DIAPH3: variants seen among roughly 807,000 people sequenced by gnomAD.
The protein encoded by DIAPH3 is diaphanous related formin 3, also known as protein diaphanous homolog 3.
DIAPH3 carries 117 observed loss-of-function variants against 144.3 expected under a neutral mutation model. That is an observed-to-expected ratio of 0.81 (90% CI 0.70 to 0.95). The LOEUF is 0.95. DIAPH3 is among the 40% of genes least tolerant of loss of function. The pLI is 0.00. For synonymous variants in DIAPH3, 519 were observed against 488.9 expected (o/e 1.06, Z -0.81); for missense variants, 1,421 against 1,412.7 (o/e 1.01, Z -0.09).
chr13:59,743,791 TACATTTAAATGC>T (rs1464535609), intron 27 of DIAPH3, among the ~76,000 whole-genome samples: 10 of 152,288 alleles, frequency 6.6e-5, no homozygotes, highest in Non-Finnish European at 1.5e-4. Flanking sequence ...TCCATTTACA[TACATTTAAATGC>T]AGCTGGAAAA....
At chr13:59,945,048 G>A (rs2048734714) in intron 17 of DIAPH3, among the ~76,000 whole-genome samples, 1 of 151,974 alleles carries the variant, frequency 6.6e-6, no homozygotes, top group Non-Finnish European at 1.5e-5. Flanking sequence ...TCCTACTGCT[G>A]GATTGGCCCT....
chr13:59,922,555 A>G (rs564491897), intron 18 of DIAPH3, among the ~76,000 whole-genome samples: 8 of 152,172 alleles, frequency 5.3e-5, no homozygotes, highest in African/African-American at 1.7e-4. Flanking sequence ...ATCTCATTCC[A>G]AAACAGTTCT....
intron 27 of DIAPH3, among the ~76,000 whole-genome samples, chr13:59,722,132 A>T (rs2035375518): frequency 6.6e-6 from 1 of 152,322 alleles, no homozygotes; most frequent in Non-Finnish European, 1.5e-5. Flanking sequence ...AGGAATTCAA[A>T]GCCACAAAAA....
intron 2 of DIAPH3, among the ~76,000 whole-genome samples, chr13:60,131,423 G>A (rs189821992): frequency 2.7e-4 from 33 of 122,434 alleles, no homozygotes; most frequent in African/African-American, 6.7e-4. Context: ...ACAACAGAGC[G>A]AGACCCTGTC....
At chr13:59,989,179 C>T (rs754271375) in intron 12 of DIAPH3, among the ~76,000 whole-genome samples, 3 of 151,504 alleles carry the variant, frequency 2.0e-5, no homozygotes, top group Non-Finnish European at 2.9e-5. Flanking sequence ...AATAGAGGTC[C>T]TTCTGAGGTA....
chr13:59,695,351 A>C (rs577991426), intron 27 of DIAPH3: 6 of 152,350 alleles, frequency 3.9e-5, no homozygotes, highest in Admixed American at 1.3e-4. Flanking sequence ...TAGAATGAGG[A>C]ATGCCAGGAG....
chr13:59,981,735 T>C (rs2051035692), intron 13 of DIAPH3, among the ~76,000 whole-genome samples: 1 of 151,450 alleles, frequency 6.6e-6, no homozygotes, highest in African/African-American at 2.4e-5. Flanking sequence ...AAAGTTACTG[T>C]ATCCAAATCT....
Position 59,810,834 on chromosome 13 carries a change from T to G in DIAPH3, c.3117A>C (p.Arg1039Ser). Residue 1039 changes from arginine to serine, a missense_variant, in exon 25 of 28, where the codon AGA becomes AGC. Coordinates refer to ENST00000400324, the MANE Select transcript of DIAPH3 (RefSeq NM_001042517.2). Reference sequence around the variant, plus strand: ...GCTTTTTCTTTTGTTGGCGTTCGAGTCTTTCTCGCTCTGCTAATTCTTTAG... The same window carrying G: ...GCTTTTTCTTTTGTTGGCGTTCGAGGCTTTCTCGCTCTGCTAATTCTTTAG... Reference protein sequence around the residue: ...RIAKELAERERLERQQKKKRL... With the variant: ...RIAKELAERESLERQQKKKRL... 6.2e-7 allele frequency: 1 copy of G among 1,613,612 alleles called. No homozygotes were observed. The highest frequency in any genetic ancestry group is 8.5e-7 in the Non-Finnish European group (1 of 1,179,918).
chr13:60,045,751 G>C (rs1446170403), intron 4 of DIAPH3, among the ~76,000 whole-genome samples: 2 of 152,140 alleles, frequency 1.3e-5, no homozygotes, highest in Non-Finnish European at 2.9e-5. Context: ...CTTGCAATTT[G>C]GGTAGGATCA....
chr13:60,035,401 G>A (rs1310769681), intron 5 of DIAPH3, among the ~76,000 whole-genome samples: 1 of 152,170 alleles, frequency 6.6e-6, no homozygotes, highest in African/African-American at 2.4e-5. Context: ...TACCCCTAGG[G>A]AACATTCAGT....
At chr13:59,691,915 T>C (rs2033545840) in intron 27 of DIAPH3, among the ~76,000 whole-genome samples, 1 of 152,118 alleles carries the variant, frequency 6.6e-6, no homozygotes, top group South Asian at 2.1e-4. Flanking sequence ...ATCCTGACTC[T>C]TCAGTGTGAA....
chr13:60,081,158 T>C (rs1408469179), intron 4 of DIAPH3, among the ~76,000 whole-genome samples: 2 of 151,914 alleles, frequency 1.3e-5, no homozygotes, highest in Non-Finnish European at 2.9e-5. Context: ...GGGTGGGGTA[T>C]AGTACTGAAG....
chr13:60,128,777 CT>C (rs57966867), intron 2 of DIAPH3, among the ~76,000 whole-genome samples: 488 of 140,510 alleles, frequency 3.5e-3, no homozygotes, highest in South Asian at 4.4e-3. Flanking sequence ...ATTCAATTAC[CT>C]TTTTTTTTTT....
At chr13:59,668,545 A>C (rs1366945534) in intron 27 of DIAPH3, among the ~76,000 whole-genome samples, 2 of 152,104 alleles carry the variant, frequency 1.3e-5, no homozygotes. Flanking sequence ...CCATGTATGC[A>C]CTCCAAGAAA....
intron 14 of DIAPH3, among the ~76,000 whole-genome samples, chr13:59,977,515 C>T (rs1462944489): frequency 6.6e-6 from 1 of 151,710 alleles, no homozygotes; most frequent in African/African-American, 2.4e-5. Context: ...ACAACATAAT[C>T]AAATTTTTAC....
chr13:60,121,178 T>C (rs112388243), intron 2 of DIAPH3, among the ~76,000 whole-genome samples: 285 of 152,192 alleles, frequency 1.9e-3, no homozygotes, highest in African/African-American at 6.4e-3. Flanking sequence ...CTGATTTCTG[T>C]TGGTGATAAA....
At chr13:59,679,697 A>T (rs549093845) in intron 27 of DIAPH3, among the ~76,000 whole-genome samples, 43 of 152,326 alleles carry the variant, frequency 2.8e-4, no homozygotes, top group African/African-American at 1.0e-3. Flanking sequence ...AGAAGCCTTA[A>T]AGTATGTGGA....
At chr13:60,134,498 T>C (rs758085376) in intron 1 of DIAPH3, among the ~76,000 whole-genome samples, 1 of 152,102 alleles carries the variant, frequency 6.6e-6, no homozygotes, top group Admixed American at 6.5e-5. Context: ...GGCTCTTGAG[T>C]TTGCAGAGAA....
chr13:59,889,442 C>A (rs1481693147), intron 20 of DIAPH3, among the ~76,000 whole-genome samples: 1 of 151,888 alleles, frequency 6.6e-6, no homozygotes, highest in Non-Finnish European at 1.5e-5. Flanking sequence ...TCAATAATTT[C>A]TATATAGCAA....
Sources: allele counts gnomAD v4.1 joint callset (sites outside exome capture counted in the v4.1 genomes callset), GRCh38; gene constraint gnomAD v4.1.1; transcripts MANE v1.5; gene names NCBI Gene and HGNC (gene_info 2026-07-23, HGNC 2026-07-21).